The following CCR6 variants were observed in gnomAD, a reference collection of about 807,000 sequenced individuals.
CCR6 encodes the protein C-C chemokine receptor type 6.
In CCR6, 2 loss-of-function variants were observed where a neutral mutation model predicts 3.0. That is an observed-to-expected ratio of 0.66 (90% CI 0.27 to 2.07). The LOEUF is 2.07. Among genes scored for constraint, CCR6 ranks in the 30% most tolerant of loss-of-function variants. CCR6 has a pLI of 0.14. For missense variants in CCR6, 322 were observed against 462.8 expected (o/e 0.70, Z 2.79); for synonymous variants, 193 against 184.3 (o/e 1.05, Z -0.38).
At position 167,136,682 on chromosome 6, in the gene CCR6, C is replaced by G. The variant is rs1781854504; in HGVS notation, c.452C>G (p.Thr151Ser). ...MDRYIAIVQATKSFRLRSRTL... is the reference protein window; with the variant it reads ...MDRYIAIVQASKSFRLRSRTL... ...CGGTACATCGCCATTGTACAGGCGA[C>G]TAAGTCATTCCGGCTCCGATCCAGA... Residue 151 changes from threonine (T) to serine (S), a missense_variant, in exon 3 of 3, where the codon ACT becomes AGT. Thr to Ser is a moderately conservative substitution (Grantham distance 58). Coordinates refer to ENST00000341935, the MANE Select transcript of CCR6 (RefSeq NM_031409.4). The surrounding 1 kb of genome is among the most constrained non-coding windows in gnomAD (Gnocchi z 4.6). The G allele has an allele frequency of 1.2e-6, 2 of 1,614,154 alleles. No homozygotes were observed. The highest frequency in any genetic ancestry group is 1.7e-6 in the Non-Finnish European group (2 of 1,180,042).
intron 1 of CCR6, chr6:167,127,401 G>T (rs1582997415): frequency 6.6e-6 from 1 of 152,186 alleles, no homozygotes; most frequent in Non-Finnish European, 1.5e-5. Flanking sequence ...GATGTAGTTA[G>T]CATCTTATTA....
intron 1 of CCR6, chr6:167,114,834 G>A (rs1032966089): frequency 6.6e-6 from 1 of 152,252 alleles, no homozygotes. Flanking sequence ...TCTGCATCCA[G>A]TGAGGACCTG....
chr6:167,118,042 CCTT>C (rs542470467), upstream of CCR6, among the ~76,000 whole-genome samples: 38 of 151,300 alleles, frequency 2.5e-4, no homozygotes, highest in Non-Finnish European at 4.6e-4. Context: ...TTCAGTCTGT[CCTT>C]CTGCTTTGTA....
rs1332139325 is a variant in CCR6, at chr6:167,136,885, C to T, written c.655C>T (p.Leu219=). 1.2e-6 allele frequency: 2 copies of T among 1,614,070 alleles called. No individual in the cohort carries two copies. The highest frequency in any genetic ancestry group is 1.3e-5 in the African/African-American group (1 of 74,934). ...RWKLLMLGLE[L]LFGFFIPLMF... ...GAAGCTGCTGATGTTGGGGCTTGAG[C>T]TACTCTTTGGTTTCTTTATCCCTTT... is the stretch of plus-strand genomic sequence containing the variant. The change falls in exon 3 of 3, where the codon CTA becomes TTA. Residue 219 remains leucine, a synonymous_variant. Transcript: ENST00000341935. The surrounding 1 kb of genome is among the most constrained non-coding windows in gnomAD (Gnocchi z 4.6).
intron 1 of CCR6, among the ~76,000 whole-genome samples, chr6:167,132,259 T>C (rs1781780349): frequency 1.3e-5 from 2 of 152,200 alleles, no homozygotes; most frequent in South Asian, 4.1e-4. Flanking sequence ...TTTTTCAGTT[T>C]GGGACGGTTA....
chr6:167,125,984 T>C (rs906392598), intron 1 of CCR6, among the ~76,000 whole-genome samples: 40 of 152,200 alleles, frequency 2.6e-4, no homozygotes, highest in African/African-American at 9.4e-4. Context: ...GAGGCTAAGT[T>C]ATTACTTACC....
chr6:167,127,911 G>A (rs919804528), intron 1 of CCR6, among the ~76,000 whole-genome samples: 5 of 152,230 alleles, frequency 3.3e-5, no homozygotes, highest in African/African-American at 1.2e-4. Flanking sequence ...GCAGAGTTCA[G>A]TTCTTTGTGA....
At chr6:167,129,874 C>CAGCT in intron 1 of CCR6, among the ~76,000 whole-genome samples, 1 of 151,678 alleles carries the variant, frequency 6.6e-6, no homozygotes, top group African/African-American at 2.4e-5. Context: ...TTACTTGAGG[C>CAGCT]AGCTGAATAT....
intron 1 of CCR6, among the ~76,000 whole-genome samples, chr6:167,130,282 A>G (rs1206876565): frequency 6.6e-6 from 1 of 151,792 alleles, no homozygotes; most frequent in Non-Finnish European, 1.5e-5. Context: ...GGCTCAGCAC[A>G]TTTCCCTGCA....
At chr6:167,130,727 C>T (rs1282991337) in intron 1 of CCR6, among the ~76,000 whole-genome samples, 2 of 151,816 alleles carry the variant, frequency 1.3e-5, no homozygotes, top group Non-Finnish European at 2.9e-5. Context: ...ATACCTAACA[C>T]GTGCAAAACA....
chr6:167,116,415 C>A (rs941722888), intron 1 of CCR6, among the ~76,000 whole-genome samples: 1 of 152,194 alleles, frequency 6.6e-6, no homozygotes, highest in Non-Finnish European at 1.5e-5. Context: ...CCCTTTCCAG[C>A]ACAGGAGGCA....
At chr6:167,126,614 G>C (rs1462868197) in intron 1 of CCR6, 3 of 152,382 alleles carry the variant, frequency 2.0e-5, no homozygotes, top group African/African-American at 7.2e-5. Flanking sequence ...GCCTCGAATA[G>C]GGATTGGCCC....
At chr6:167,122,987 C>T (rs551405333), upstream of CCR6, 45 of 152,694 alleles carry the variant, frequency 2.9e-4, no homozygotes, top group African/African-American at 1.1e-3. The surrounding 1 kb of genome is among the most constrained non-coding windows in gnomAD (Gnocchi z 4.2). Flanking sequence ...TTACTCAATA[C>T]CCTACAGGAT....
intron 1 of CCR6, among the ~76,000 whole-genome samples, chr6:167,130,986 T>C (rs5014885): frequency 0.44 from 45,280 of 102,678 alleles, 9,537 homozygotes; most frequent in Admixed American, 0.49. Flanking sequence ...ACCCTCCCTC[T>C]GGACCCCCTC....
intron 1 of CCR6, among the ~76,000 whole-genome samples, chr6:167,133,932 G>GTATGTATATATA (rs1781808725): frequency 1.8e-5 from 2 of 110,396 alleles, no homozygotes; most frequent in African/African-American, 8.7e-5. Flanking sequence ...ATATATGTGT[G>GTATGTATATATA]TATATATATA....
At chr6:167,125,647 A>G (rs1427165084) in intron 1 of CCR6, among the ~76,000 whole-genome samples, 1 of 152,218 alleles carries the variant, frequency 6.6e-6, no homozygotes, top group Non-Finnish European at 1.5e-5. Flanking sequence ...TGGAGAACTG[A>G]ACACGGCCTT....
chr6:167,112,834 G>A (rs951145465), intron 1 of CCR6, among the ~76,000 whole-genome samples: 6 of 152,126 alleles, frequency 3.9e-5, no homozygotes, highest in African/African-American at 1.4e-4. Context: ...TGTCTGGAAC[G>A]TGTGTCTCTG....
intron 1 of CCR6, among the ~76,000 whole-genome samples, chr6:167,113,623 G>C (rs761298615): frequency 3.9e-5 from 6 of 152,200 alleles, no homozygotes; most frequent in Non-Finnish European, 7.3e-5. Context: ...CAGCTCCCCT[G>C]GAGACAGCCA....
In CCR6 at chr6:167,128,274, A is replaced by G. The variant is rs939342490; in HGVS notation, c.-98+5051A>G. On this transcript the variant is annotated intron_variant, in intron 1 of 2. Transcript: ENST00000341935. ...TGTGTCAGGGCCTGGGCAGGGGGCCATGATTCCGCTAACCACAAGCGTGAC... is the reference window on the plus strand; with the variant it reads ...TGTGTCAGGGCCTGGGCAGGGGGCCGTGATTCCGCTAACCACAAGCGTGAC... 5.3e-5 allele frequency among the ~76,000 whole-genome samples: 8 copies of G among 152,378 alleles called. No homozygotes were observed. In the South Asian group the frequency reaches 1.2e-3, roughly 24 times the overall value.
Sources: gnomAD v4.1 joint callset for allele counts (sites outside exome capture counted in the v4.1 genomes callset) on GRCh38, gnomAD v4.1.1 for gene constraint, Gnocchi (gnomAD v3.1) non-coding constraint, MANE v1.5 for transcripts, NCBI Gene and HGNC (gene_info 2026-07-23, HGNC 2026-07-21) for gene names.